Variants in TRAF3 observed in about 807,000 individuals in gnomAD.
TRAF3 encodes the protein TNF receptor-associated factor 3.
In TRAF3, 13 loss-of-function variants were observed where a neutral mutation model predicts 62.3. The observed-to-expected ratio is 0.21, with a 90% CI of 0.14 to 0.33. The LOEUF is 0.33. TRAF3 is among the 10% of genes least tolerant of loss of function. The pLI is 1.00. For synonymous variants in TRAF3, 269 were observed against 283.4 expected (o/e 0.95, Z 0.51); for missense variants, 440 against 741.8 (o/e 0.59, Z 4.73).
intron 1 of TRAF3, among the ~76,000 whole-genome samples, chr14:102,815,245 C>CATTT (rs759414910): frequency 8.5e-5 from 13 of 152,208 alleles, no homozygotes; most frequent in Non-Finnish European, 1.9e-4. Context: ...GGCTTGGAGT[C>CATTT]ATTTCTAAGA....
In TRAF3 at chr14:102,870,402, G is replaced by C; in HGVS notation, c.201G>C (p.Glu67Asp). ...TGCTGTGCAGCCCGAAGCAGACCGA[G>C]TGTGGGCACCGCTTCTGCGAGAGCT... ...HLVLCSPKQTECGHRFCESCM... is the reference protein window; with the variant it reads ...HLVLCSPKQTDCGHRFCESCM... Residue 67 changes from glutamate (E) to aspartate (D), a missense_variant, in exon 3 of 12, where the codon GAG becomes GAC. By Grantham distance (45) the Glu-to-Asp change is conservative. This residue lies in a region of TRAF3 where 255 missense variants were observed against 424.1 expected (regional missense o/e 0.60). Coordinates refer to ENST00000392745, the MANE Select transcript of TRAF3 (RefSeq NM_145725.3). The C allele has an allele frequency of 6.2e-7, 1 of 1,614,156 alleles. No individual in the cohort carries two copies. The highest frequency in any genetic ancestry group is 8.5e-7 in the Non-Finnish European group (1 of 1,180,020).
chr14:102,900,446 A>C lies in TRAF3; in HGVS notation c.961-2809A>C, dbSNP rs1015938514. Among the ~76,000 whole-genome samples the C allele has an allele frequency of 3.3e-5, 5 of 152,248 alleles. No individual in the cohort carries two copies. The South Asian group carries it at 1.0e-3, about 31-fold the overall frequency. On this transcript the variant is annotated intron_variant, in intron 10 of 11. Coordinates refer to ENST00000392745, the MANE Select transcript of TRAF3 (RefSeq NM_145725.3). ...AACCCAGGCGGCAGAGGTTGCAGTG[A>C]GCAAAGATTGCGCCATTGCACTCGA...
intron 1 of TRAF3, among the ~76,000 whole-genome samples, chr14:102,817,322 G>A (rs1899597366): frequency 6.6e-6 from 1 of 152,190 alleles, no homozygotes; most frequent in Non-Finnish European, 1.5e-5. Context: ...CAGGAGGCAT[G>A]ACAAGTGGAA....
At chr14:102,901,586 A>T (rs1038112965) in intron 10 of TRAF3, among the ~76,000 whole-genome samples, 1 of 152,246 alleles carries the variant, frequency 6.6e-6, no homozygotes, top group African/African-American at 2.4e-5. Context: ...CTGAACATGT[A>T]TGATTGTGTA....
intron 6 of TRAF3, among the ~76,000 whole-genome samples, chr14:102,883,279 A>G (rs567139129): frequency 1.3e-5 from 2 of 152,388 alleles, no homozygotes; most frequent in South Asian, 4.1e-4. Context: ...TATTTGCAAT[A>G]GGCAGATGAG....
intron 6 of TRAF3, among the ~76,000 whole-genome samples, chr14:102,880,279 A>G (rs6575933): frequency 0.41 from 62,776 of 152,106 alleles, 17,473 homozygotes; most frequent in African/African-American, 0.79. Flanking sequence ...AGGAGTTCAA[A>G]ACCAGCCTGG....
At position 102,826,970 on chromosome 14, in the gene TRAF3, G is replaced by A. The variant is rs1037951128; in HGVS notation, c.-156-3364G>A. Among the ~76,000 whole-genome samples, 1 of 152,186 alleles carries A rather than the reference G, an allele frequency of 6.6e-6. No individual in the cohort carries two copies. Among genetic ancestry groups the A allele is most frequent in the African/African-American group, 2.4e-5 (1 of 41,432 alleles). On this transcript the variant is annotated intron_variant, in intron 1 of 11. Coordinates refer to ENST00000392745, the MANE Select transcript of TRAF3 (RefSeq NM_145725.3). This position sits in a 1 kb window ranked among gnomAD's most constrained non-coding sequence, Gnocchi z 4.6. ...CCCAGACATAGGCTCTGTCAGTGGT[G>A]GTGGCGGTGGCTGTACCTGCTCCGG...
intron 2 of TRAF3, among the ~76,000 whole-genome samples, chr14:102,864,526 A>T (rs774217577): frequency 9.2e-5 from 14 of 152,218 alleles, no homozygotes; most frequent in Middle Eastern, 3.4e-3. Context: ...TGTGGACATG[A>T]TTTACTAGTC....
chr14:102,839,653 A>T (rs1466696712), intron 2 of TRAF3, among the ~76,000 whole-genome samples: 3 of 152,208 alleles, frequency 2.0e-5, no homozygotes, highest in African/African-American at 7.2e-5. Context: ...TGTCGCCCAG[A>T]TACTATATAA....
Position 102,903,209 on chromosome 14 carries a change from C to T in TRAF3, c.961-46C>T. ...TTGATGGAAGGTGGTGCAGCATTTT[C>T]CGAGTCCTAACTGTGTTTTGCTTTT... On this transcript the variant is annotated intron_variant, in intron 10 of 11. Transcript: ENST00000392745. This position sits in a 1 kb window ranked among gnomAD's most constrained non-coding sequence, Gnocchi z 6.4. 1.2e-6 allele frequency: 2 copies of T among 1,613,634 alleles called. No individual in the cohort carries two copies. Among genetic ancestry groups the T allele is most frequent in the Non-Finnish European group, 1.7e-6 (2 of 1,179,646 alleles).
intron 1 of TRAF3, among the ~76,000 whole-genome samples, chr14:102,820,309 C>T (rs1899815781): frequency 6.6e-6 from 1 of 152,012 alleles, no homozygotes; most frequent in Non-Finnish European, 1.5e-5. Context: ...AAAGGGCCGA[C>T]TCCAGGTGAT....
chr14:102,894,698 T>A lies in TRAF3; in HGVS notation c.820-2563T>A, dbSNP rs1369223962. On this transcript the variant is annotated intron_variant, in intron 9 of 11. Coordinates refer to ENST00000392745, the MANE Select transcript of TRAF3 (RefSeq NM_145725.3). ...AAGTTGAGTTTAGTGTGGCATGATG[T>A]GTGTTCATTGCTGTAAGCTGCTTCT... 3.3e-5 allele frequency among the ~76,000 whole-genome samples: 5 copies of A among 152,236 alleles called. No homozygotes were observed. In the East Asian group the frequency reaches 7.7e-4, roughly 23 times the overall value.
chr14:102,838,060 T>C (rs1886134954), intron 2 of TRAF3, among the ~76,000 whole-genome samples: 1 of 152,180 alleles, frequency 6.6e-6, no homozygotes, highest in Admixed American at 6.5e-5. Flanking sequence ...ACAGACATAG[T>C]AGTTAAGAAC....
chr14:102,871,863 T>G, intron 3 of TRAF3, 54 bp from the exon 4 acceptor site: 1 of 1,545,722 alleles, frequency 6.5e-7, no homozygotes, highest in Admixed American at 1.7e-5. Context: ...ATCTCCTGAG[T>G]CCTCTCAAGA....
In TRAF3 at chr14:102,788,023, T is replaced by G. The variant is rs574995018; in HGVS notation, c.-157+10348T>G. On this transcript the variant is annotated intron_variant, in intron 1 of 11. Coordinates refer to ENST00000392745, the MANE Select transcript of TRAF3 (RefSeq NM_145725.3). ...TGCACCACCCCACCTGGCTAATTTTTGTATTTTTTTAGTAGAGACAGGGTT... is the reference window on the plus strand; with the variant it reads ...TGCACCACCCCACCTGGCTAATTTTGGTATTTTTTTAGTAGAGACAGGGTT... 2.6e-5 allele frequency among the ~76,000 whole-genome samples: 4 copies of G among 151,752 alleles called. No homozygotes were observed. In the South Asian group the frequency reaches 8.4e-4, roughly 32 times the overall value.
rs1330480615 is a variant in TRAF3, at chr14:102,903,863, G to A, written c.1135+434G>A. 1 of 451,742 alleles carries A rather than the reference G, an allele frequency of 2.2e-6. No individual in the cohort carries two copies. Among genetic ancestry groups the A allele is most frequent in the Non-Finnish European group, 4.5e-6 (1 of 224,430 alleles). 28.0% of individuals were successfully genotyped at this position (451,742 alleles called of 1,614,324 possible). On this transcript the variant is annotated intron_variant, in intron 11 of 11. Coordinates refer to ENST00000392745, the MANE Select transcript of TRAF3 (RefSeq NM_145725.3). The surrounding 1 kb of genome is among the most constrained non-coding windows in gnomAD (Gnocchi z 6.4). ...GCATGTTTCTGATCCACAAGCAGATGTGGGCCTATGGCTTTGGGGACTGAA... is the reference window on the plus strand; with the variant it reads ...GCATGTTTCTGATCCACAAGCAGATATGGGCCTATGGCTTTGGGGACTGAA...
intron 2 of TRAF3, among the ~76,000 whole-genome samples, chr14:102,842,052 C>G (rs1311493671): frequency 1.3e-5 from 2 of 151,948 alleles, no homozygotes; most frequent in African/African-American, 4.8e-5. Flanking sequence ...GAAGAGTAGC[C>G]TGGCCAACAT....
At chr14:102,789,380 G>C (rs1457109579) in intron 1 of TRAF3, among the ~76,000 whole-genome samples, 1 of 152,192 alleles carries the variant, frequency 6.6e-6, no homozygotes, top group Non-Finnish European at 1.5e-5. Flanking sequence ...ATACCTAGGA[G>C]TGGAATTGCT....
intron 1 of TRAF3, among the ~76,000 whole-genome samples, chr14:102,828,879 ATTTC>A (rs1900484872): frequency 6.6e-6 from 1 of 151,896 alleles, no homozygotes; most frequent in Admixed American, 6.6e-5. Flanking sequence ...GAATATATTC[ATTTC>A]TTTAACTTAA....
Sources: gnomAD v4.1 joint callset for allele counts (sites outside exome capture counted in the v4.1 genomes callset) on GRCh38, gnomAD v4.1.1 for gene constraint, gnomAD v4.1.1 regional missense constraint, Gnocchi (gnomAD v3.1) non-coding constraint, MANE v1.5 for transcripts, NCBI Gene and HGNC (gene_info 2026-07-23, HGNC 2026-07-21) for gene names.